CTIF: variants seen among roughly 807,000 people sequenced by gnomAD.
CTIF encodes cap binding complex dependent translation initiation factor, also known as CBP80/20-dependent translation initiation factor.
Under a neutral mutation model 66.0 loss-of-function variants are expected in CTIF, and 21 were observed. The observed-to-expected ratio is 0.32, with a 90% CI of 0.23 to 0.46. CTIF has a LOEUF of 0.46. Ranked by LOEUF, CTIF falls within the 20% of genes least tolerant of loss-of-function variation. The pLI is 1.00. For synonymous variants in CTIF, 345 were observed against 326.4 expected, an observed-to-expected ratio of 1.06 and a Z score of -0.62; for missense variants, 739 against 812.7, an observed-to-expected ratio of 0.91 and a Z score of 1.10.
chr18:48,682,232 C>T (rs1598860738), intron 6 of CTIF, among the ~76,000 whole-genome samples: 1 of 152,228 alleles, frequency 6.6e-6, no homozygotes, highest in Non-Finnish European at 1.5e-5. Flanking sequence ...TGCCCCTCCA[C>T]ATCACTGGTA....
At chr18:48,822,784 T>A (rs2146373655) in intron 10 of CTIF, among the ~76,000 whole-genome samples, 2 of 152,352 alleles carry the variant, frequency 1.3e-5, no homozygotes, top group Middle Eastern at 6.8e-3. Flanking sequence ...ACCAACAGTG[T>A]ACAAGGGTTC....
intron 3 of CTIF, among the ~76,000 whole-genome samples, chr18:48,649,350 C>T (rs1466461239): frequency 1.3e-5 from 2 of 152,230 alleles, no homozygotes; most frequent in African/African-American, 2.4e-5. Context: ...TTACTCACTG[C>T]TAGCGCAGCA....
At chr18:48,569,504 A>G (rs917098760) in intron 1 of CTIF, among the ~76,000 whole-genome samples, 7 of 152,196 alleles carry the variant, frequency 4.6e-5, no homozygotes, top group African/African-American at 1.7e-4. Flanking sequence ...GTTTCAAAAA[A>G]TTTCTATTAA....
chr18:48,765,948 AT>A (rs1377419424), intron 9 of CTIF, among the ~76,000 whole-genome samples: 1 of 131,264 alleles, frequency 7.6e-6, no homozygotes, highest in Non-Finnish European at 1.6e-5. Flanking sequence ...TTATTTTTTA[AT>A]CATTTTTTCT....
At chr18:48,827,267 A>G (rs2068601166) in intron 10 of CTIF, among the ~76,000 whole-genome samples, 1 of 152,220 alleles carries the variant, frequency 6.6e-6, no homozygotes, top group African/African-American at 2.4e-5. Flanking sequence ...ATTAAACTGG[A>G]AAGTCTCCTG....
intron 9 of CTIF, among the ~76,000 whole-genome samples, chr18:48,769,902 A>G (rs1407911847): frequency 1.3e-5 from 2 of 152,098 alleles, no homozygotes; most frequent in Non-Finnish European, 2.9e-5. Context: ...GTTTGTGCAA[A>G]TCTTAAGCAT....
chr18:48,774,788 C>T (rs531766428), intron 9 of CTIF, among the ~76,000 whole-genome samples: 9 of 152,244 alleles, frequency 5.9e-5, no homozygotes, highest in African/African-American at 7.2e-5. Context: ...AAAGGCCATA[C>T]GAAAGAAGGG....
At chr18:48,736,194 G>A (rs942674929) in intron 7 of CTIF, among the ~76,000 whole-genome samples, 1 of 152,108 alleles carries the variant, frequency 6.6e-6, no homozygotes. Context: ...CCCACATTCC[G>A]TCCCGCATAG....
intron 7 of CTIF, among the ~76,000 whole-genome samples, chr18:48,750,720 C>T (rs1405211646): frequency 4.6e-5 from 7 of 152,234 alleles, no homozygotes; most frequent in Admixed American, 6.5e-5. Flanking sequence ...TCACCAGCCC[C>T]GGCCTCCCCA....
At chr18:48,704,351 A>G (rs922354764) in intron 6 of CTIF, among the ~76,000 whole-genome samples, 3 of 152,220 alleles carry the variant, frequency 2.0e-5, no homozygotes, top group African/African-American at 7.2e-5. Flanking sequence ...CCTGGTGAGC[A>G]TTCAACATAT....
intron 7 of CTIF, among the ~76,000 whole-genome samples, chr18:48,752,516 G>A (rs540494485): frequency 1.3e-5 from 2 of 152,344 alleles, no homozygotes; most frequent in Non-Finnish European, 1.5e-5. Flanking sequence ...TGAGGGCTTT[G>A]CCACTAACTA....
intron 2 of CTIF, among the ~76,000 whole-genome samples, chr18:48,624,766 C>G (rs1425930548): frequency 6.6e-6 from 1 of 152,174 alleles, no homozygotes; most frequent in Non-Finnish European, 1.5e-5. Flanking sequence ...TTCTCCCCCT[C>G]CATGGCCTGC....
At chr18:48,636,275 G>T (rs969469139) in intron 2 of CTIF, among the ~76,000 whole-genome samples, 3 of 152,218 alleles carry the variant, frequency 2.0e-5, no homozygotes, top group African/African-American at 7.2e-5. Flanking sequence ...CTGAAGCCAG[G>T]TCAGGCGGTC....
intron 3 of CTIF, among the ~76,000 whole-genome samples, chr18:48,656,672 A>G (rs1399904031): frequency 6.6e-6 from 1 of 152,152 alleles, no homozygotes; most frequent in Non-Finnish European, 1.5e-5. Context: ...GCACCCTGGT[A>G]TGGGGCCCCC....
chr18:48,848,826 G>A (rs2069135328), intron 10 of CTIF, among the ~76,000 whole-genome samples: 2 of 152,250 alleles, frequency 1.3e-5, no homozygotes, highest in Admixed American at 6.5e-5. Context: ...GGAGCACCTT[G>A]GTTTCTCCCT....
intron 1 of CTIF, among the ~76,000 whole-genome samples, chr18:48,560,976 C>G (rs1241784816): frequency 6.6e-6 from 1 of 152,154 alleles, no homozygotes; most frequent in South Asian, 2.1e-4. Context: ...CAGTGGCTCA[C>G]GCCTGTAATC....
chr18:48,819,271 G>T (rs2068432452), intron 10 of CTIF, among the ~76,000 whole-genome samples: 1 of 152,252 alleles, frequency 6.6e-6, no homozygotes, highest in Admixed American at 6.5e-5. Context: ...TGGCAGCTCT[G>T]CTTTTTGCAC....
intron 5 of CTIF, among the ~76,000 whole-genome samples, chr18:48,668,003 G>GA (rs1188470386): frequency 2.0e-5 from 3 of 152,252 alleles, no homozygotes; most frequent in Non-Finnish European, 4.4e-5. Flanking sequence ...TGGAGGGACA[G>GA]AAATCAGAGA....
At chr18:48,634,961 G>A (rs1286692326) in intron 2 of CTIF, among the ~76,000 whole-genome samples, 2 of 152,228 alleles carry the variant, frequency 1.3e-5, no homozygotes, top group Non-Finnish European at 2.9e-5. Flanking sequence ...ATATTTTGAT[G>A]TATTAGATTA....
Sources: gnomAD v4.1 joint callset for allele counts (sites outside exome capture counted in the v4.1 genomes callset) on GRCh38, gnomAD v4.1.1 for gene constraint, MANE v1.5 for transcripts, NCBI Gene and HGNC (gene_info 2026-07-23, HGNC 2026-07-21) for gene names.